Variants in CLK2 observed in about 807,000 individuals in gnomAD.
The protein encoded by CLK2 is CDC like kinase 2, also known as dual specificity protein kinase CLK2.
A neutral mutation model predicts 73.5 loss-of-function variants in CLK2; 12 were observed. The observed-to-expected ratio is 0.16, with a 90% confidence interval of 0.10 to 0.26. CLK2 has a LOEUF of 0.26. Ranked by LOEUF, CLK2 falls within the 10% of genes least tolerant of loss-of-function variation. The pLI is 1.00. For missense variants in CLK2, 509 were observed against 688.4 expected (o/e 0.74, Z 2.92); for synonymous variants, 232 against 237.9 (o/e 0.98, Z 0.23).
intron 8 of CLK2, among the ~76,000 whole-genome samples, chr1:155,265,453 G>C (rs1173261840): frequency 6.6e-6 from 1 of 152,092 alleles, no homozygotes; most frequent in African/African-American, 2.4e-5. Flanking sequence ...TGTAATCCCA[G>C]CTACTCCAGA....
rs375906663 is a variant in CLK2 at position 155,268,818 on chromosome 1, G to A, written c.400-23C>T. 48 of 1,589,494 alleles carry A rather than the reference G, an allele frequency of 3.0e-5. No individual in the cohort carries two copies. Among genetic ancestry groups the A allele is most frequent in the East Asian group, 4.5e-5 (2 of 44,676 alleles). On this transcript the variant is annotated intron_variant, in intron 3 of 12. Transcript: ENST00000368361. This position sits in a 1 kb window ranked among gnomAD's most constrained non-coding sequence, Gnocchi z 5.6. ...CTGCTGTCGGGGGGCAGGGGGGGTC[G>A]GAGCAAGCCAGGTGTCGGAGCGGGG...
chr1:155,264,114 T>C, intron 11 of CLK2, 74 bp from the exon 12 acceptor site: 1 of 1,544,542 alleles, frequency 6.5e-7, no homozygotes, highest in Non-Finnish European at 9.0e-7. Context: ...CATCTGAAAG[T>C]AACTGGGGGG....
chr1:155,269,841 T>C (rs1052866200), intron 2 of CLK2, 125 bp from the exon 3 acceptor site: 14 of 835,718 alleles, frequency 1.7e-5, no homozygotes, highest in Non-Finnish European at 2.7e-5. Context: ...CAGACACTTG[T>C]TGAGTCACTG....
At chr1:155,267,513 C>G (rs1423558859) in intron 6 of CLK2, among the ~76,000 whole-genome samples, 1 of 152,212 alleles carries the variant, frequency 6.6e-6, no homozygotes, top group African/African-American at 2.4e-5. Context: ...TCCTAAATCC[C>G]AACCCCAGCC....
At chr1:155,265,518 G>T (rs1401678748) in intron 8 of CLK2, among the ~76,000 whole-genome samples, 1 of 151,712 alleles carries the variant, frequency 6.6e-6, no homozygotes, top group Non-Finnish European at 1.5e-5. Context: ...AGTGAGCCGA[G>T]ATTATGCCAC....
intron 8 of CLK2, 30 bp from the exon 9 acceptor site, chr1:155,264,804 T>A (rs1174200385): frequency 6.2e-7 from 1 of 1,610,614 alleles, no homozygotes; most frequent in Non-Finnish European, 8.5e-7. Context: ...AGGATGAACC[T>A]CTGCACCCAG....
Position 155,268,194 on chromosome 1 carries a change from G to C in CLK2, c.555-68C>G. 1 of 1,556,172 alleles carries C rather than the reference G, an allele frequency of 6.4e-7. No homozygotes were observed. On this transcript the variant is annotated intron_variant, in intron 5 of 12. Transcript: ENST00000368361. This position sits in a 1 kb window ranked among gnomAD's most constrained non-coding sequence, Gnocchi z 5.6. Reference sequence around the variant, plus strand: ...GTCTCAAAATGAACAGGGCTGTAGGGGGACTAAGAAATTCTACCTCAGGTT... The same window carrying C: ...GTCTCAAAATGAACAGGGCTGTAGGCGGACTAAGAAATTCTACCTCAGGTT...
chr1:155,266,742 G>A lies in CLK2; in HGVS notation c.825C>T (p.Cys275=). The A allele has an allele frequency of 6.2e-7, 1 of 1,612,662 alleles. No individual in the cohort carries two copies. The highest frequency in any genetic ancestry group is 1.1e-5 in the South Asian group (1 of 90,682). ...CACCCCACTCACACTTGACAGCCTG[G>A]CACAGCTGGAAGGCCATGTGGCGCA... ...HQVRHMAFQL[C]QAVKFLHDNK... The change falls in exon 7 of 13, where the codon TGC becomes TGT. Residue 275 remains cysteine, a synonymous_variant. Transcript: ENST00000368361.
In CLK2 at chr1:155,268,899, AG is replaced by A; in HGVS notation, c.400-105del. 3 of 700,734 alleles carry A rather than the reference AG, an allele frequency of 4.3e-6. No homozygotes were observed. Among genetic ancestry groups the A allele is most frequent in the Non-Finnish European group, 7.7e-6 (3 of 389,726 alleles). The allele number at this position is 700,734 out of a possible 1,614,324, so 43.4% of individuals were successfully genotyped here. On this transcript the variant is annotated intron_variant, in intron 3 of 12. Coordinates refer to ENST00000368361, the MANE Select transcript of CLK2 (RefSeq NM_001294338.2). The surrounding 1 kb of genome is among the most constrained non-coding windows in gnomAD (Gnocchi z 5.6). ...GGTCACCGGTCACAGGCGCCCAGCC[AG>A]GGGGGACAGACGATGATGGGGGACA...
Position 155,268,774 on chromosome 1 carries a change from T to C in CLK2, c.421A>G (p.Lys141Glu). The change falls in exon 4 of 13, where the codon AAG becomes GAG. Residue 141 changes from lysine (K) to glutamate (E), a missense_variant. Coordinates refer to ENST00000368361, the MANE Select transcript of CLK2 (RefSeq NM_001294338.2). The surrounding 1 kb of genome is among the most constrained non-coding windows in gnomAD (Gnocchi z 5.6). ...SSSQHSSRRA[K>E]SVEDDAEGHL... ...CCCTCAGCGTCGTCCTCTACACTCT[T>C]GGCTCTCCGGCTGCTGTGCTGCTGT... is the stretch of plus-strand genomic sequence containing the variant. 6.9e-7 allele frequency: 1 copy of C among 1,455,670 alleles called. No homozygotes were observed. Among genetic ancestry groups the C allele is most frequent in the Non-Finnish European group, 9.2e-7 (1 of 1,083,232 alleles). 90.2% of individuals were successfully genotyped at this position (1,455,670 alleles called of 1,614,324 possible). A position where few individuals can be genotyped will look rare whatever the true frequency, so the allele number is the denominator to read the frequency against.
rs761469877 is a variant in CLK2, at chr1:155,270,943, C to T, written c.35G>A (p.Arg12Gln). Reference protein sequence around the residue: ...PHPRRYHSSERGSRGSYREHY... With the variant: ...PHPRRYHSSEQGSRGSYREHY... ...TTCACGGTAACTCCCCCGGCTGCCT[C>T]GCTCTGAGGAGTGGTACCTTCGAGG... Residue 12 changes from arginine (R) to glutamine (Q), a missense_variant, in exon 2 of 13, where the codon CGA (arginine) becomes CAA (glutamine). Physicochemically the swap from Arg to Gln is conservative, Grantham distance 43. This residue lies in a region of CLK2 where 222 missense variants were observed against 221.7 expected (regional missense o/e 1.00). Transcript: ENST00000368361. 5.6e-6 allele frequency: 9 copies of T among 1,613,972 alleles called. No individual in the cohort carries two copies. Among genetic ancestry groups the T allele is most frequent in the African/African-American group, 1.3e-5 (1 of 74,932 alleles).
At chr1:155,273,096 C>T (rs1237328257) in intron 1 of CLK2, 105 bp downstream of exon 1, 1 of 152,266 alleles carries the variant, frequency 6.6e-6, no homozygotes, top group East Asian at 1.9e-4. Flanking sequence ...CTCAACTCTC[C>T]TCCTCTCCAA....
intron 2 of CLK2, 25 bp downstream of exon 2, chr1:155,270,783 T>TG: frequency 1.3e-6 from 2 of 1,593,470 alleles, no homozygotes; most frequent in Non-Finnish European, 1.7e-6. Flanking sequence ...ACCCTGTGTT[T>TG]GAGTATCTCT....
chr1:155,271,992 A>G (rs1273221836), intron 1 of CLK2, among the ~76,000 whole-genome samples: 1 of 150,376 alleles, frequency 6.6e-6, no homozygotes, highest in Non-Finnish European at 1.5e-5. Flanking sequence ...TGTGCTTAAG[A>G]CGTAGATAAC....
Position 155,268,034 on chromosome 1 carries a change from T to C in CLK2, c.647A>G (p.Asn216Ser), listed in dbSNP as rs1673315658. 10 of 1,613,770 alleles carry C rather than the reference T, an allele frequency of 6.2e-6. No homozygotes were observed. Among genetic ancestry groups the C allele is most frequent in the African/African-American group, 1.3e-5 (1 of 74,914 alleles). Residue 216 changes from asparagine (N) to serine (S), a missense_variant, in exon 6 of 13, where the codon AAT (asparagine) becomes AGT (serine). Transcript: ENST00000368361. The surrounding 1 kb of genome is among the most constrained non-coding windows in gnomAD (Gnocchi z 5.6). ...RLEINVLEKINEKDPDNKNLC... is the reference protein window; with the variant it reads ...RLEINVLEKISEKDPDNKNLC... The stretch of plus-strand genomic sequence containing the variant: ...CTTCTTGTTGTCAGGGTCTTTCTCA[T>C]TGATTTTCTCTAGCACGTTGATCTC...
chr1:155,269,101 G>A, intron 3 of CLK2: 1 of 579,344 alleles, frequency 1.7e-6, no homozygotes, highest in Non-Finnish European at 3.1e-6. Context: ...GCCCTTCCGG[G>A]CAGACACAGA....
chr1:155,264,899 G>C (rs1673155332), intron 8 of CLK2, 125 bp from the exon 9 acceptor site: 2 of 1,163,180 alleles, frequency 1.7e-6, no homozygotes, highest in Non-Finnish European at 2.4e-6. Flanking sequence ...ACAAGCCCTG[G>C]GAAATTCCTG....
intron 1 of CLK2, among the ~76,000 whole-genome samples, chr1:155,272,064 T>G (rs1431850461): frequency 6.6e-6 from 1 of 150,786 alleles, no homozygotes; most frequent in Non-Finnish European, 1.5e-5. Flanking sequence ...TTGCCCAGGC[T>G]GGAGTGCAAT....
intron 2 of CLK2, among the ~76,000 whole-genome samples, chr1:155,269,978 CAA>C (rs1309972903): frequency 1.3e-5 from 2 of 152,154 alleles, no homozygotes; most frequent in African/African-American, 4.8e-5. Flanking sequence ...TACAAAGAAA[CAA>C]AGAGCCATTT....
Sources: allele counts gnomAD v4.1 joint callset (sites outside exome capture counted in the v4.1 genomes callset), GRCh38; gene constraint gnomAD v4.1.1; regional missense constraint gnomAD v4.1.1; non-coding constraint Gnocchi (gnomAD v3.1); transcripts MANE v1.5; gene names NCBI Gene and HGNC (gene_info 2026-07-23, HGNC 2026-07-21).